The following NT5DC3 variants were observed in gnomAD, a reference collection of about 807,000 sequenced individuals.
NT5DC3 encodes the protein 5'-nucleotidase domain containing 3.
A neutral mutation model predicts 67.8 loss-of-function variants in NT5DC3; 42 were observed. The ratio of observed to expected loss-of-function variants is 0.62; its 90% CI spans 0.48 to 0.80. The LOEUF (loss-of-function observed/expected upper bound fraction) is 0.80. NT5DC3 is among the 30% of genes least tolerant of loss of function. NT5DC3 has a pLI of 0.00. For missense variants in NT5DC3, 570 were observed against 696.4 expected, an observed-to-expected ratio of 0.82 and a Z score of 2.04; for synonymous variants, 237 against 255.6, an observed-to-expected ratio of 0.93 and a Z score of 0.69.
chr12:103,829,194 C>T (rs534983618), intron 1 of NT5DC3, among the ~76,000 whole-genome samples: 1 of 152,334 alleles, frequency 6.6e-6, no homozygotes, highest in East Asian at 1.9e-4. Context: ...GCAGACAACA[C>T]ATGTTTTCTA....
chr12:103,813,496 G>C (rs1216107619), intron 2 of NT5DC3, among the ~76,000 whole-genome samples: 2 of 152,200 alleles, frequency 1.3e-5, no homozygotes, highest in Non-Finnish European at 2.9e-5. Flanking sequence ...GACAAAATGA[G>C]CTGCTTAAAT....
intron 1 of NT5DC3, among the ~76,000 whole-genome samples, chr12:103,832,276 A>G (rs1459728714): frequency 6.6e-6 from 1 of 151,904 alleles, no homozygotes; most frequent in East Asian, 1.9e-4. Flanking sequence ...ATCTGTTTCC[A>G]CATGTCTTTA....
Position 103,776,579 on chromosome 12 carries a change from G to C in NT5DC3, c.*1250C>G, listed in dbSNP as rs111778834. On this transcript the variant is annotated 3_prime_UTR_variant, in exon 14 of 14. Transcript: ENST00000392876. ...TCAACAAAACAAAACAGAAGGAAAT[G>C]AGAAAAGCTTGGTTAGCTAGGTCAT... 0.014 allele frequency: 2,101 copies of C among 151,162 alleles called. 26 individuals carry two copies. Among genetic ancestry groups the C allele is most frequent in the Middle Eastern group, 0.024 (7 of 290 alleles). The allele number at this position is 151,162 out of a possible 1,614,324, so 9.4% of individuals were successfully genotyped here.
intron 1 of NT5DC3, among the ~76,000 whole-genome samples, chr12:103,832,377 A>G (rs1302542430): frequency 6.6e-6 from 1 of 152,140 alleles, no homozygotes; most frequent in Non-Finnish European, 1.5e-5. Context: ...CAGAATCTCC[A>G]GGGTTAGGGC....
At chr12:103,748,884 G>A in the NT5DC3 span, 3 of 1,467,306 alleles carry the variant, frequency 2.0e-6, no homozygotes, top group Admixed American at 2.0e-5. Context: ...CACTAGTGCT[G>A]TGGTGCCCCA....
At chr12:103,836,508 T>C (rs1265803902) in intron 1 of NT5DC3, among the ~76,000 whole-genome samples, 1 of 152,188 alleles carries the variant, frequency 6.6e-6, no homozygotes, top group Non-Finnish European at 1.5e-5. Context: ...CTCCTTTGAC[T>C]CCAGGTCTCT....
chr12:103,787,295 C>A (rs1204890718), intron 11 of NT5DC3, 146 bp downstream of exon 11: 3 of 415,134 alleles, frequency 7.2e-6, no homozygotes, highest in Non-Finnish European at 1.3e-5. Flanking sequence ...ATGCAGCCTA[C>A]TTTTAGGTTT....
At chr12:103,746,823 C>T in the NT5DC3 span, 24 of 888,102 alleles carry the variant, frequency 2.7e-5, no homozygotes, top group Non-Finnish European at 4.1e-5. Context: ...TTCAGCAGCA[C>T]CTACCCTCTC....
chr12:103,750,822 G>T, the NT5DC3 span: 1 of 1,425,284 alleles, frequency 7.0e-7, no homozygotes, highest in Non-Finnish European at 9.3e-7. Flanking sequence ...CAAGCCTGGT[G>T]GCTCAAGCCT....
At chr12:103,823,616 A>G (rs943855773) in intron 1 of NT5DC3, among the ~76,000 whole-genome samples, 1 of 152,206 alleles carries the variant, frequency 6.6e-6, no homozygotes, top group African/African-American at 2.4e-5. Flanking sequence ...ACTCCCAGAT[A>G]TTCCAAATAC....
the NT5DC3 span, among the ~76,000 whole-genome samples, chr12:103,750,899 C>T: frequency 2.0e-5 from 3 of 152,270 alleles, no homozygotes; most frequent in Non-Finnish European, 2.9e-5. Flanking sequence ...GAGACCAGCC[C>T]GGCCAACATG....
At chr12:103,785,751 TAAAAAAAAAA>T (rs201632707) in intron 11 of NT5DC3, 48 of 367,058 alleles carry the variant, frequency 1.3e-4, no homozygotes, top group Admixed American at 2.9e-4. Flanking sequence ...CCATGGTCTG[TAAAAAAAAAA>T]AAAAAAAAAA....
At chr12:103,787,176 C>G (rs1885821531) in intron 11 of NT5DC3, among the ~76,000 whole-genome samples, 1 of 141,958 alleles carries the variant, frequency 7.0e-6, no homozygotes, top group Non-Finnish European at 1.5e-5. Context: ...AAAGATTATT[C>G]TGATAAACTC....
the NT5DC3 span, chr12:103,763,235 G>T: frequency 2.3e-6 from 1 of 440,938 alleles, no homozygotes; most frequent in Non-Finnish European, 4.1e-6. Flanking sequence ...AAGAGCATGT[G>T]AACACATCCT....
Position 103,777,774 on chromosome 12 carries a change from C to A in NT5DC3, c.*55G>T, listed in dbSNP as rs1885389672. The A allele has an allele frequency of 6.5e-7, 1 of 1,546,356 alleles. No individual in the cohort carries two copies. Among genetic ancestry groups the A allele is most frequent in the Non-Finnish European group, 8.7e-7 (1 of 1,148,234 alleles). ...AACACTCAGACCCACATGAAGTCAA[C>A]CCCATCATGCCTGCCCAATCAGGGG... is the stretch of plus-strand genomic sequence containing the variant. On this transcript the variant is annotated 3_prime_UTR_variant, in exon 14 of 14. Transcript: ENST00000392876.
At position 103,772,809 on chromosome 12, in the gene NT5DC3, G is replaced by A. The variant is rs1885221111; in HGVS notation, c.*5020C>T. ...ACAGGCAGGAAGGGGGTATGATCTGGGGCAGGCAGGGCTCTTCAGCAGGGG... is the reference window on the plus strand; with the variant it reads ...ACAGGCAGGAAGGGGGTATGATCTGAGGCAGGCAGGGCTCTTCAGCAGGGG... On this transcript the variant is annotated 3_prime_UTR_variant, in exon 14 of 14. Transcript: ENST00000392876. 1 of 152,388 alleles carries A rather than the reference G, an allele frequency of 6.6e-6. No homozygotes were observed. Among genetic ancestry groups the A allele is most frequent in the Admixed American group, 6.5e-5 (1 of 15,274 alleles). 9.4% of individuals were successfully genotyped at this position (152,388 alleles called of 1,614,324 possible). A position where few individuals can be genotyped will look rare whatever the true frequency, so the allele number is the denominator to read the frequency against.
chr12:103,800,908 A>T (rs560230364), intron 4 of NT5DC3, among the ~76,000 whole-genome samples: 1 of 152,158 alleles, frequency 6.6e-6, no homozygotes, highest in Non-Finnish European at 1.5e-5. Flanking sequence ...AAAAGTGCCT[A>T]TTTCCTGATG....
chr12:103,824,500 G>A (rs1028443854), intron 1 of NT5DC3, among the ~76,000 whole-genome samples: 1 of 152,160 alleles, frequency 6.6e-6, no homozygotes, highest in Admixed American at 6.5e-5. Flanking sequence ...ACAGCTGCTG[G>A]TCCAGGGCAG....
the NT5DC3 span, chr12:103,763,456 G>T: frequency 6.3e-7 from 1 of 1,598,052 alleles, no homozygotes; most frequent in East Asian, 2.2e-5. Context: ...CTGCTTTGGG[G>T]ATGCTCCTGG....
Sources: allele counts gnomAD v4.1 joint callset (sites outside exome capture counted in the v4.1 genomes callset), GRCh38; gene constraint gnomAD v4.1.1; transcripts MANE v1.5; gene names NCBI Gene and HGNC (gene_info 2026-07-23, HGNC 2026-07-21).